Variants in TAPT1 observed in about 807,000 individuals in gnomAD.
TAPT1 encodes the protein transmembrane anterior posterior transformation 1, also known as transmembrane anterior posterior transformation protein 1 homolog.
A neutral mutation model predicts 65.6 loss-of-function variants in TAPT1; 28 were observed. The ratio of observed to expected loss-of-function variants is 0.43; its 90% CI spans 0.32 to 0.59. The LOEUF is 0.59. TAPT1 is among the 20% of genes least tolerant of loss of function. The probability of loss-of-function intolerance (pLI) is 0.09; values close to 1 mark genes in which losing one functional copy is unlikely to be tolerated. For synonymous variants in TAPT1, 278 were observed against 245.2 expected, an observed-to-expected ratio of 1.13 and a Z score of -1.25; for missense variants, 563 against 679.9, an observed-to-expected ratio of 0.83 and a Z score of 1.91.
intron 7 of TAPT1, among the ~76,000 whole-genome samples, chr4:16,180,007 G>A (rs1029008796): frequency 7.2e-5 from 11 of 152,056 alleles, no homozygotes; most frequent in African/African-American, 1.4e-4. Flanking sequence ...TCCATTTTAC[G>A]GAAGAAAAAA....
Position 16,163,025 on chromosome 4 carries a change from C to T in TAPT1, c.*283G>A. ...CAAAGCAAAACAGATTTTGATGTTG[C>T]CTTTGTTGGGTCCTGGAAATGATGC... On this transcript the variant is annotated 3_prime_UTR_variant, in exon 14 of 14. Coordinates refer to ENST00000405303, the MANE Select transcript of TAPT1 (RefSeq NM_153365.3). 1.9e-6 allele frequency: 1 copy of T among 523,056 alleles called. No homozygotes were observed. Among genetic ancestry groups the T allele is most frequent in the Non-Finnish European group, 3.7e-6 (1 of 271,344 alleles). The allele number at this position is 523,056 out of a possible 1,614,324, so 32.4% of individuals were successfully genotyped here.
intron 1 of TAPT1, chr4:16,225,861 C>CA (rs1751518100): frequency 1.0e-6 from 1 of 985,184 alleles, no homozygotes; most frequent in Non-Finnish European, 1.2e-6. Context: ...AAATACAGAA[C>CA]AAAAAAAGTC....
rs1193066651 is a variant in TAPT1, at chr4:16,163,184, C to G, written c.*124G>C. The G allele has an allele frequency of 1.3e-6, 1 of 758,092 alleles. No individual in the cohort carries two copies. The highest frequency in any genetic ancestry group is 2.7e-5 in the East Asian group (1 of 37,252). 47.0% of individuals were successfully genotyped at this position (758,092 alleles called of 1,614,324 possible). On this transcript the variant is annotated 3_prime_UTR_variant, in exon 14 of 14. Transcript: ENST00000405303. ...ACTGGAAGAAAGATACTAAGATTTGCTTGCCAATAATAATTTAAGTTTTTA... is the reference window on the plus strand; with the variant it reads ...ACTGGAAGAAAGATACTAAGATTTGGTTGCCAATAATAATTTAAGTTTTTA...
In TAPT1 at chr4:16,161,394, C is replaced by T. The variant is rs560422892; in HGVS notation, c.*1914G>A. ...AAAACAGAAGAAATGAACATAATCC[C>T]GAACTCCCAACAGCATCTGCAAAGG... On this transcript the variant is annotated 3_prime_UTR_variant, in exon 14 of 14. Transcript: ENST00000405303. 3.3e-5 allele frequency: 5 copies of T among 152,684 alleles called. No individual in the cohort carries two copies. The highest frequency in any genetic ancestry group is 2.1e-4 in the South Asian group (1 of 4,820). The allele number at this position is 152,684 out of a possible 1,614,324, so 9.5% of individuals were successfully genotyped here.
upstream of TAPT1, chr4:16,226,967 G>C (rs1198360176): frequency 4.7e-6 from 2 of 421,398 alleles, no homozygotes; most frequent in Non-Finnish European, 9.4e-6. Context: ...GGCGCCGCCC[G>C]CCAGGTCTTG....
rs143433750 is a variant in TAPT1, at chr4:16,199,340, G to A, written c.449+3122C>T. On this transcript the variant is annotated intron_variant, in intron 3 of 13. Transcript: ENST00000405303. ...GTCATGTGTAACAGGCTGCCCTCTA[G>A]TGTCATTTTAGCTATAAAACTTTGA... Among the ~76,000 whole-genome samples, 70 of 152,170 alleles carry A rather than the reference G, an allele frequency of 4.6e-4. No individual in the cohort carries two copies. The East Asian group carries it at 0.013, about 29-fold the overall frequency.
chr4:16,182,709 ATTC>A (rs1748780145), intron 7 of TAPT1: 1 of 152,226 alleles, frequency 6.6e-6, no homozygotes, highest in South Asian at 2.1e-4. Flanking sequence ...ACTACCTAAA[ATTC>A]TTCATCTCAA....
rs1378654380 is a variant in TAPT1 at position 16,166,751 on chromosome 4, C to G, written c.1356G>C (p.Gly452=). ...LKVLNSIVLL[G]KSCQYVKEAK... ...CTTCCTTCACATACTGGCACGATTT[C>G]CCCAACAGCACGATGCTATTAAGTA... is the stretch of plus-strand genomic sequence containing the variant. Residue 452 remains glycine, a synonymous_variant, in exon 13 of 14, where the codon GGG becomes GGC. Coordinates refer to ENST00000405303, the MANE Select transcript of TAPT1 (RefSeq NM_153365.3). The G allele has an allele frequency of 2.5e-6, 4 of 1,613,916 alleles. No homozygotes were observed.
At chr4:16,212,153 C>T (rs546077576) in intron 2 of TAPT1, among the ~76,000 whole-genome samples, 1 of 152,226 alleles carries the variant, frequency 6.6e-6, no homozygotes, top group South Asian at 2.1e-4. Context: ...TGAAGCAGTC[C>T]CCTGGTTGTG....
At chr4:16,191,244 C>A in intron 4 of TAPT1, 117 bp downstream of exon 4, 1 of 1,084,704 alleles carries the variant, frequency 9.2e-7, no homozygotes, top group Non-Finnish European at 1.3e-6. Flanking sequence ...ACAGTAAAGG[C>A]CAGAAGCACC....
intron 11 of TAPT1, among the ~76,000 whole-genome samples, chr4:16,173,829 T>C (rs893220105): frequency 4.6e-5 from 7 of 152,266 alleles, no homozygotes; most frequent in South Asian, 2.1e-4. Context: ...TACTGTCACA[T>C]TGCCTTGTAG....
At chr4:16,183,106 T>C (rs1748808708) in intron 7 of TAPT1, 1 of 152,230 alleles carries the variant, frequency 6.6e-6, no homozygotes, top group East Asian at 1.9e-4. Context: ...AACATATTCA[T>C]ATAAAGAGTA....
chr4:16,204,520 G>T (rs564910966), intron 2 of TAPT1, among the ~76,000 whole-genome samples: 2 of 152,174 alleles, frequency 1.3e-5, no homozygotes, highest in African/African-American at 4.8e-5. Context: ...ATATCTTCAG[G>T]TACTTCTTTA....
chr4:16,196,178 G>GTATCT (rs1179013061), intron 3 of TAPT1, among the ~76,000 whole-genome samples: 1 of 152,088 alleles, frequency 6.6e-6, no homozygotes, highest in African/African-American at 2.4e-5. Context: ...AGAAAATTAA[G>GTATCT]TATCTTAAAT....
chr4:16,199,957 G>C (rs998925861), intron 3 of TAPT1, among the ~76,000 whole-genome samples: 1 of 152,148 alleles, frequency 6.6e-6, no homozygotes, highest in Admixed American at 6.6e-5. Flanking sequence ...ACACAGAAAT[G>C]AACTTGAGTG....
At chr4:16,180,661 T>G (rs1748659698) in intron 7 of TAPT1, among the ~76,000 whole-genome samples, 1 of 152,124 alleles carries the variant, frequency 6.6e-6, no homozygotes, top group East Asian at 1.9e-4. Context: ...TCCCCATTAT[T>G]CTCTAGCAAC....
intron 2 of TAPT1, among the ~76,000 whole-genome samples, chr4:16,203,872 C>T (rs922582348): frequency 1.3e-5 from 2 of 152,198 alleles, no homozygotes; most frequent in Non-Finnish European, 2.9e-5. Context: ...ATATGCTACA[C>T]ATAATATTTG....
chr4:16,176,809 C>G (rs1443446667), intron 8 of TAPT1: 1 of 152,256 alleles, frequency 6.6e-6, no homozygotes, highest in Non-Finnish European at 1.5e-5. Context: ...ACGAAGCCTA[C>G]GTGCTGACAT....
chr4:16,205,487 C>T (rs910525618), intron 2 of TAPT1, among the ~76,000 whole-genome samples: 1 of 152,174 alleles, frequency 6.6e-6, no homozygotes, highest in Non-Finnish European at 1.5e-5. Context: ...AAGACATCCT[C>T]TCCAGGGAAT....
Sources: allele counts gnomAD v4.1 joint callset (sites outside exome capture counted in the v4.1 genomes callset), GRCh38; gene constraint gnomAD v4.1.1; transcripts MANE v1.5; gene names NCBI Gene and HGNC (gene_info 2026-07-23, HGNC 2026-07-21).